The following SRGAP2B variants were observed in gnomAD, a reference collection of about 807,000 sequenced individuals.
The protein encoded by SRGAP2B is SLIT-ROBO Rho GTPase-activating protein 2B.
Under a neutral mutation model 22.2 loss-of-function variants are expected in SRGAP2B, and 9 were observed. The observed-to-expected ratio is 0.41, with a 90% CI of 0.24 to 0.71. SRGAP2B has a LOEUF of 0.71. Among genes scored for constraint, SRGAP2B ranks in the 30% least tolerant of loss-of-function variants. The probability of loss-of-function intolerance (pLI) is 0.35; values close to 1 mark genes in which losing one functional copy is unlikely to be tolerated. For synonymous variants in SRGAP2B, 36 were observed against 87.4 expected (o/e 0.41, Z 3.28); for missense variants, 114 against 235.8 (o/e 0.48, Z 3.38).
chr1:144,953,850 T>A (rs1457855597), intron 4 of SRGAP2B, among the ~76,000 whole-genome samples: 2 of 150,634 alleles, frequency 1.3e-5, no homozygotes, highest in Non-Finnish European at 2.9e-5. Context: ...TTTTCTCGGA[T>A]GAACAAAGAA....
At chr1:145,013,926 T>C (rs1672235560) in intron 2 of SRGAP2B, among the ~76,000 whole-genome samples, 1 of 148,204 alleles carries the variant, frequency 6.7e-6, no homozygotes, top group Non-Finnish European at 1.5e-5. Context: ...GCCAAGATGG[T>C]ATGAGCATTC....
intron 5 of SRGAP2B, among the ~76,000 whole-genome samples, chr1:144,910,615 A>G (rs1663350988): frequency 7.3e-6 from 1 of 136,316 alleles, no homozygotes; most frequent in African/African-American, 3.0e-5. Flanking sequence ...TCTCAATTCT[A>G]GAGCTTCCTT....
At chr1:145,022,356 C>A (rs1647249623) in intron 2 of SRGAP2B, among the ~76,000 whole-genome samples, 3 of 78,934 alleles carry the variant, frequency 3.8e-5, no homozygotes, top group African/African-American at 5.7e-5. Context: ...AAAACAACAA[C>A]CAAGTTTTAT....
At chr1:145,007,766 T>C (rs1228911119) in intron 2 of SRGAP2B, among the ~76,000 whole-genome samples, 1 of 150,350 alleles carries the variant, frequency 6.7e-6, no homozygotes, top group Non-Finnish European at 1.5e-5. Context: ...TAATTCCTGG[T>C]ACATTATACT....
intron 3 of SRGAP2B, among the ~76,000 whole-genome samples, chr1:144,993,976 A>T (rs1553617996): frequency 6.7e-6 from 1 of 149,908 alleles, no homozygotes; most frequent in African/African-American, 2.5e-5. Flanking sequence ...TTTTTTTGCA[A>T]TTTTTTTTAA....
intron 4 of SRGAP2B, among the ~76,000 whole-genome samples, chr1:144,925,739 G>GAAAGAA (rs1171670116): frequency 2.0e-5 from 2 of 101,364 alleles, no homozygotes; most frequent in African/African-American, 7.5e-5. Flanking sequence ...AAGAAAGAAA[G>GAAAGAA]AAAGAAAGAA....
intron 2 of SRGAP2B, among the ~76,000 whole-genome samples, chr1:144,997,644 C>CA (rs1384383423): frequency 2.0e-5 from 3 of 148,170 alleles, no homozygotes; most frequent in Non-Finnish European, 3.0e-5. Flanking sequence ...CACCCTCTGC[C>CA]AAAAAAAGAG....
intron 4 of SRGAP2B, among the ~76,000 whole-genome samples, chr1:144,954,416 T>C (rs1455368409): frequency 1.3e-5 from 2 of 151,898 alleles, no homozygotes; most frequent in Non-Finnish European, 2.9e-5. Context: ...TTTTCTCTCA[T>C]ACTTTCAAAT....
At chr1:144,924,593 G>A (rs1553347416) in intron 4 of SRGAP2B, among the ~76,000 whole-genome samples, 20 of 150,686 alleles carry the variant, frequency 1.3e-4, no homozygotes, top group East Asian at 9.7e-4. Flanking sequence ...TTAGCCGGGC[G>A]TAGTGGCGGG....
chr1:144,958,330 T>C (rs587772697), intron 3 of SRGAP2B, among the ~76,000 whole-genome samples: 1 of 151,080 alleles, frequency 6.6e-6, no homozygotes. Flanking sequence ...AGAAATCTTT[T>C]AAAATAAAAT....
chr1:145,044,536 T>C (rs1398972138), intron 2 of SRGAP2B, among the ~76,000 whole-genome samples: 2 of 142,660 alleles, frequency 1.4e-5, no homozygotes, highest in Non-Finnish European at 1.5e-5. Flanking sequence ...TTTAGGGAGA[T>C]TGAAGTAGAT....
chr1:144,956,955 C>T (rs587726502), intron 3 of SRGAP2B, among the ~76,000 whole-genome samples: 1 of 150,088 alleles, frequency 6.7e-6, no homozygotes, highest in South Asian at 2.1e-4. Context: ...TGACTTAAAC[C>T]CCACAACTAC....
intron 3 of SRGAP2B, among the ~76,000 whole-genome samples, chr1:144,973,614 G>GCT (rs1668688059): frequency 8.6e-6 from 1 of 116,798 alleles, no homozygotes; most frequent in Non-Finnish European, 1.7e-5. Flanking sequence ...TTCTCCCCAT[G>GCT]CTCTGTAAAT....
At chr1:144,950,909 C>T (rs1458054229) in intron 4 of SRGAP2B, among the ~76,000 whole-genome samples, 2 of 150,790 alleles carry the variant, frequency 1.3e-5, no homozygotes, top group Admixed American at 6.6e-5. Flanking sequence ...AGTGCAACAG[C>T]ATGATCTGTG....
chr1:144,984,706 C>T (rs1349242348), intron 3 of SRGAP2B, among the ~76,000 whole-genome samples: 1 of 149,498 alleles, frequency 6.7e-6, no homozygotes, highest in Non-Finnish European at 1.5e-5. Flanking sequence ...TTATGATCTA[C>T]TGCAGCAACT....
intron 7 of SRGAP2B, among the ~76,000 whole-genome samples, chr1:144,899,293 AT>A (rs1263616477): frequency 9.7e-6 from 1 of 103,606 alleles, no homozygotes; most frequent in African/African-American, 3.6e-5. Flanking sequence ...AATACCTCTC[AT>A]TTTTTTTCCC....
At chr1:144,971,587 A>C (rs1668530682) in intron 3 of SRGAP2B, among the ~76,000 whole-genome samples, 1 of 150,690 alleles carries the variant, frequency 6.6e-6, no homozygotes, top group Non-Finnish European at 1.5e-5. Context: ...GAGCCACCTC[A>C]CCTGGCCAGG....
chr1:144,904,310 T>C (rs1209998556), intron 7 of SRGAP2B, among the ~76,000 whole-genome samples: 1 of 133,892 alleles, frequency 7.5e-6, no homozygotes, highest in Non-Finnish European at 1.6e-5. Context: ...TTAAATGCTA[T>C]ACAAATATAA....
rs1193816200 is a variant in SRGAP2B, at chr1:144,976,090, C to A, written c.260+18918G>T. ...AGAGACAGGGTTTCACCGTGTTAGC[C>A]AGGATGGTCTTGATCTCCTGACCTC... On this transcript the variant is annotated intron_variant, in intron 3 of 9. Transcript: ENST00000612199. 2.7e-5 allele frequency among the ~76,000 whole-genome samples: 4 copies of A among 148,224 alleles called. 1 individual carries two copies. The highest frequency in any genetic ancestry group is 1.0e-4 in the African/African-American group (4 of 38,364).
Sources: allele counts gnomAD v4.1 joint callset (sites outside exome capture counted in the v4.1 genomes callset), GRCh38; gene constraint gnomAD v4.1.1; transcripts MANE v1.5; gene names NCBI Gene and HGNC (gene_info 2026-07-23, HGNC 2026-07-21).